ATXN1: variants seen among roughly 807,000 people sequenced by gnomAD.
ATXN1 encodes the protein ataxin 1, also known as ataxin-1.
Under a neutral mutation model 56.4 loss-of-function variants are expected in ATXN1, and 8 were observed. The observed-to-expected ratio is 0.14, with a 90% CI of 0.08 to 0.26. The LOEUF is 0.26. ATXN1 is among the 10% of genes least tolerant of loss of function. The probability of loss-of-function intolerance (pLI) is 1.00; values close to 1 mark genes in which losing one functional copy is unlikely to be tolerated. For synonymous variants in ATXN1, 514 were observed against 494.6 expected (o/e 1.04, Z -0.52); for missense variants, 987 against 1,106.5 (o/e 0.89, Z 1.53).
intron 4 of ATXN1, among the ~76,000 whole-genome samples, chr6:16,538,221 T>C (rs1028434454): frequency 1.3e-5 from 2 of 152,182 alleles, no homozygotes; most frequent in African/African-American, 4.8e-5. Flanking sequence ...AGAGCCAATA[T>C]CTGGGTTTAA....
At chr6:16,589,074 C>G (rs532428252) in intron 3 of ATXN1, among the ~76,000 whole-genome samples, 1 of 152,050 alleles carries the variant, frequency 6.6e-6, no homozygotes, top group African/African-American at 2.4e-5. Flanking sequence ...TCTTCTGTTC[C>G]CCCCACACAT....
At chr6:16,429,001 A>T (rs1759219420) in intron 6 of ATXN1, among the ~76,000 whole-genome samples, 1 of 151,906 alleles carries the variant, frequency 6.6e-6, no homozygotes, top group South Asian at 2.1e-4. Context: ...AATGTGAAGT[A>T]AGGTTTGGTT....
At chr6:16,505,604 T>C (rs1760969494) in intron 5 of ATXN1, among the ~76,000 whole-genome samples, 2 of 152,306 alleles carry the variant, frequency 1.3e-5, no homozygotes, top group Non-Finnish European at 2.9e-5. Flanking sequence ...CAAGCCAGGC[T>C]TGCTGGAAAA....
At chr6:16,574,404 T>A (rs1176456257) in intron 4 of ATXN1, among the ~76,000 whole-genome samples, 1 of 152,186 alleles carries the variant, frequency 6.6e-6, no homozygotes, top group African/African-American at 2.4e-5. Context: ...AAACGGGGTT[T>A]CTCCATGTTG....
rs370133157 is a variant in ATXN1 at position 16,548,259 on chromosome 6, A to G, written c.-360-25571T>C. On this transcript the variant is annotated intron_variant, in intron 4 of 7. Coordinates refer to ENST00000436367, the MANE Select transcript of ATXN1 (RefSeq NM_001128164.2). ...AAGATAAAATATGGTACACCTGTAT[A>G]GGGCACTTCCCATGAATGGAGCTTG... Among the ~76,000 whole-genome samples, 49 of 152,360 alleles carry G rather than the reference A, an allele frequency of 3.2e-4. 1 individual carries two copies. The East Asian group carries it at 8.9e-3, about 28-fold the overall frequency.
rs115092038 is a variant in ATXN1, at chr6:16,466,453, C to T, written c.-161+19519G>A. On this transcript the variant is annotated intron_variant, in intron 6 of 7. Coordinates refer to ENST00000436367, the MANE Select transcript of ATXN1 (RefSeq NM_001128164.2). ...TCTCATCTGATCATATTTAGGATAG[C>T]GCAAGAGGGCAGTACAATTGATATT... Among the ~76,000 whole-genome samples, 1,289 of 151,374 alleles carry T rather than the reference C, an allele frequency of 8.5e-3. 5 individuals carry two copies. Among genetic ancestry groups the T allele is most frequent in the Non-Finnish European group, 0.015 (988 of 67,980 alleles).
chr6:16,378,005 A>C lies in ATXN1; in HGVS notation c.-160-49535T>G, dbSNP rs568308729. Among the ~76,000 whole-genome samples the C allele has an allele frequency of 6.6e-5, 10 of 152,290 alleles. No homozygotes were observed. In the South Asian group the frequency reaches 1.0e-3, roughly 16 times the overall value. ...GCTCTAAGCGCCTTCTGCCTACTTCATGGCAAGGAGGGCCATCTCGGGCAC... is the reference window on the plus strand; with the variant it reads ...GCTCTAAGCGCCTTCTGCCTACTTCCTGGCAAGGAGGGCCATCTCGGGCAC... On this transcript the variant is annotated intron_variant, in intron 6 of 7. Coordinates refer to ENST00000436367, the MANE Select transcript of ATXN1 (RefSeq NM_001128164.2).
At chr6:16,559,141 T>C (rs1310666983) in intron 4 of ATXN1, among the ~76,000 whole-genome samples, 1 of 152,166 alleles carries the variant, frequency 6.6e-6, no homozygotes, top group Non-Finnish European at 1.5e-5. Flanking sequence ...ACATCGTCTG[T>C]GGAGAAAAGC....
chr6:16,387,292 G>A (rs1015006118), intron 6 of ATXN1, among the ~76,000 whole-genome samples: 1 of 152,130 alleles, frequency 6.6e-6, no homozygotes, highest in African/African-American at 2.4e-5. Flanking sequence ...GCTCCCTATA[G>A]GGTCATCAGA....
intron 6 of ATXN1, among the ~76,000 whole-genome samples, chr6:16,418,927 T>C (rs921070382): frequency 6.6e-6 from 1 of 152,058 alleles, no homozygotes; most frequent in Admixed American, 6.6e-5. Flanking sequence ...GGCCAAGGTG[T>C]TCCTATTTTC....
rs1354007963 is a variant in ATXN1 at position 16,368,343 on chromosome 6, C to CTTCTTTTTT, written c.-160-39874_-160-39873insAAAAAAGAA. On this transcript the variant is annotated intron_variant, in intron 6 of 7. Coordinates refer to ENST00000436367, the MANE Select transcript of ATXN1 (RefSeq NM_001128164.2). ...TATTTCTTTGGCTTGACTTCTTCTTCTTTTTTTTTTTTTTTTTTTTTTTTG... is the reference window on the plus strand; with the variant it reads ...TATTTCTTTGGCTTGACTTCTTCTTCTTCTTTTTTTTTTTTTTTTTTTTTTTTTTTTTTG... Among the ~76,000 whole-genome samples the CTTCTTTTTT allele has an allele frequency of 7.3e-3, 550 of 75,658 alleles. 17 individuals carry two copies. Among genetic ancestry groups the CTTCTTTTTT allele is most frequent in the African/African-American group, 0.021 (532 of 25,700 alleles). 49.6% of individuals were successfully genotyped at this position (75,658 alleles called of 152,430 possible). A position where few individuals can be genotyped will look rare whatever the true frequency, so the allele number is the denominator to read the frequency against.
At chr6:16,718,275 T>C (rs1317067883) in intron 2 of ATXN1, among the ~76,000 whole-genome samples, 1 of 152,254 alleles carries the variant, frequency 6.6e-6, no homozygotes, top group Non-Finnish European at 1.5e-5. Context: ...CTTAATAATA[T>C]GCATGGGGCA....
intron 4 of ATXN1, among the ~76,000 whole-genome samples, chr6:16,546,095 A>G (rs891595079): frequency 5.9e-5 from 9 of 152,290 alleles, no homozygotes; most frequent in Non-Finnish European, 1.0e-4. Flanking sequence ...GCTGCACAGG[A>G]CCAGCCAGTA....
chr6:16,639,852 T>TTCTTC (rs1441810656), intron 3 of ATXN1, among the ~76,000 whole-genome samples: 1 of 152,216 alleles, frequency 6.6e-6, no homozygotes, highest in African/African-American at 2.4e-5. Context: ...AAAGAAATAC[T>TTCTTC]TCTTCTCTGA....
intron 4 of ATXN1, among the ~76,000 whole-genome samples, chr6:16,548,673 C>T (rs1313762171): frequency 6.6e-6 from 1 of 151,874 alleles, no homozygotes; most frequent in Non-Finnish European, 1.5e-5. Flanking sequence ...CCTGTAATCC[C>T]AGCACTTTGG....
At chr6:16,462,595 T>C (rs1232528782) in intron 6 of ATXN1, among the ~76,000 whole-genome samples, 2 of 152,146 alleles carry the variant, frequency 1.3e-5, no homozygotes, top group African/African-American at 2.4e-5. Flanking sequence ...GGGACAAAAA[T>C]CCTAATCACA....
chr6:16,551,811 C>A (rs1761925228), intron 4 of ATXN1, among the ~76,000 whole-genome samples: 1 of 152,084 alleles, frequency 6.6e-6, no homozygotes, highest in Non-Finnish European at 1.5e-5. Flanking sequence ...CTCTACAGTC[C>A]CTAATGGTCT....
At chr6:16,712,661 C>G (rs1177207160) in intron 2 of ATXN1, among the ~76,000 whole-genome samples, 1 of 151,592 alleles carries the variant, frequency 6.6e-6, no homozygotes, top group Non-Finnish European at 1.5e-5. Flanking sequence ...AAATTGGAAG[C>G]TAGGGGAGGG....
chr6:16,744,780 C>G (rs930876489), intron 2 of ATXN1, among the ~76,000 whole-genome samples: 3 of 152,090 alleles, frequency 2.0e-5, no homozygotes, highest in Non-Finnish European at 4.4e-5. Context: ...ATTTGAGCTG[C>G]GGTAATCTCA....
Sources: allele counts gnomAD v4.1 joint callset (sites outside exome capture counted in the v4.1 genomes callset), GRCh38; gene constraint gnomAD v4.1.1; transcripts MANE v1.5; gene names NCBI Gene and HGNC (gene_info 2026-07-23, HGNC 2026-07-21).